The following SPOCK1 variants were observed in gnomAD, a reference collection of about 807,000 sequenced individuals.
The protein encoded by SPOCK1 is SPARC (osteonectin), cwcv and kazal like domains proteoglycan 1.
In SPOCK1, 23 loss-of-function variants were observed where a neutral mutation model predicts 55.3. The ratio of observed to expected loss-of-function variants is 0.42; its 90% CI spans 0.30 to 0.59. The LOEUF is 0.59. Among genes scored for constraint, SPOCK1 ranks in the 20% least tolerant of loss-of-function variants. The probability of loss-of-function intolerance (pLI) is 0.22; values close to 1 mark genes in which losing one functional copy is unlikely to be tolerated. For missense variants in SPOCK1, 499 were observed against 552.5 expected (o/e 0.90, Z 0.97); for synonymous variants, 226 against 221.0 (o/e 1.02, Z -0.20).
chr5:136,986,211 T>C (rs1750838234), intron 8 of SPOCK1, among the ~76,000 whole-genome samples: 1 of 152,174 alleles, frequency 6.6e-6, no homozygotes, highest in African/African-American at 2.4e-5. Context: ...ATTTCCTGGA[T>C]GCTGTGCCAC....
intron 6 of SPOCK1, among the ~76,000 whole-genome samples, chr5:137,055,272 C>G (rs1752278806): frequency 6.6e-6 from 1 of 152,162 alleles, no homozygotes; most frequent in Non-Finnish European, 1.5e-5. Flanking sequence ...AGAACAGGCA[C>G]TTAATAAATG....
chr5:137,324,085 T>C (rs1177591606), intron 2 of SPOCK1, among the ~76,000 whole-genome samples: 1 of 150,976 alleles, frequency 6.6e-6, no homozygotes, highest in African/African-American at 2.5e-5. Flanking sequence ...AGTGTTCATC[T>C]ATGGATGAAT....
intron 2 of SPOCK1, among the ~76,000 whole-genome samples, chr5:137,464,177 C>T (rs1032878715): frequency 6.6e-6 from 1 of 151,926 alleles, no homozygotes; most frequent in Non-Finnish European, 1.5e-5. Context: ...GGTGCAGGCC[C>T]GTAGTCCCAG....
intron 5 of SPOCK1, among the ~76,000 whole-genome samples, chr5:137,071,909 G>A (rs1221316387): frequency 6.6e-6 from 1 of 152,202 alleles, no homozygotes; most frequent in African/African-American, 2.4e-5. Flanking sequence ...AGGACTCTAT[G>A]TAAAGACTAT....
At position 137,307,221 on chromosome 5, in the gene SPOCK1, C is replaced by T. The variant is rs765247698; in HGVS notation, c.187-40166G>A. On this transcript the variant is annotated intron_variant, in intron 2 of 10. Coordinates refer to ENST00000394945, the MANE Select transcript of SPOCK1 (RefSeq NM_004598.4). ...AAAAGCAAGACATGATCCTTATTCT[C>T]ACAGGACAAAGCTGGAGGCAGGCCT... Among the ~76,000 whole-genome samples, 66 of 152,348 alleles carry T rather than the reference C, an allele frequency of 4.3e-4. 1 individual carries two copies. Among genetic ancestry groups the T allele is most frequent in the Admixed American group, 7.2e-4 (11 of 15,300 alleles).
At chr5:137,448,982 G>C (rs1753191748) in intron 2 of SPOCK1, among the ~76,000 whole-genome samples, 1 of 152,202 alleles carries the variant, frequency 6.6e-6, no homozygotes, top group Non-Finnish European at 1.5e-5. Context: ...AGGGAAGTGA[G>C]ACAGCACTCT....
At chr5:137,178,335 A>C (rs1455963692) in intron 3 of SPOCK1, among the ~76,000 whole-genome samples, 1 of 152,226 alleles carries the variant, frequency 6.6e-6, no homozygotes, top group Non-Finnish European at 1.5e-5. Context: ...TTTCCCAACA[A>C]TTCCAGTTCT....
At chr5:137,166,937 T>C (rs1277363890) in intron 3 of SPOCK1, among the ~76,000 whole-genome samples, 1 of 151,668 alleles carries the variant, frequency 6.6e-6, no homozygotes, top group Non-Finnish European at 1.5e-5. Flanking sequence ...AGGAGGCAAA[T>C]AGCAAAACGG....
chr5:136,990,425 T>TA (rs61532412), intron 7 of SPOCK1, among the ~76,000 whole-genome samples: 6,525 of 141,906 alleles, frequency 0.046, 347 homozygotes, highest in African/African-American at 0.14. Flanking sequence ...AGTGCTCAAT[T>TA]AAAAAAAAAA....
intron 6 of SPOCK1, among the ~76,000 whole-genome samples, chr5:137,042,961 A>G (rs1388744669): frequency 6.6e-6 from 1 of 152,174 alleles, no homozygotes; most frequent in Non-Finnish European, 1.5e-5. Flanking sequence ...AGTGAGCACA[A>G]TGAGTGCTAG....
chr5:137,339,643 T>C (rs1398653251), intron 2 of SPOCK1, among the ~76,000 whole-genome samples: 1 of 152,178 alleles, frequency 6.6e-6, no homozygotes, highest in East Asian at 1.9e-4. Context: ...TCAGTTTTTT[T>C]TCAATCAGTA....
At chr5:137,160,012 A>G (rs968390744) in intron 3 of SPOCK1, among the ~76,000 whole-genome samples, 4 of 152,084 alleles carry the variant, frequency 2.6e-5, no homozygotes, top group African/African-American at 9.7e-5. Flanking sequence ...GTGTATGGTA[A>G]CATGAGTAAG....
intron 3 of SPOCK1, among the ~76,000 whole-genome samples, chr5:137,187,983 T>C (rs1329023732): frequency 6.6e-6 from 1 of 152,194 alleles, no homozygotes; most frequent in Non-Finnish European, 1.5e-5. Flanking sequence ...AGGTTATCCT[T>C]CCACCCCTTG....
intron 5 of SPOCK1, among the ~76,000 whole-genome samples, chr5:137,105,706 G>A (rs1301073364): frequency 6.6e-6 from 1 of 152,212 alleles, no homozygotes; most frequent in Non-Finnish European, 1.5e-5. Context: ...TGCCAACCCT[G>A]TAAAGCAAGT....
chr5:137,406,236 G>A (rs988776682), intron 2 of SPOCK1, among the ~76,000 whole-genome samples: 4 of 152,208 alleles, frequency 2.6e-5, no homozygotes, highest in Admixed American at 2.6e-4. Context: ...CATAAAAGTG[G>A]TGTCAGCCCC....
At chr5:137,200,950 A>G (rs1755414581) in intron 3 of SPOCK1, among the ~76,000 whole-genome samples, 1 of 152,254 alleles carries the variant, frequency 6.6e-6, no homozygotes, top group Non-Finnish European at 1.5e-5. Flanking sequence ...CACTGTGAAT[A>G]GACCCTGATG....
intron 3 of SPOCK1, among the ~76,000 whole-genome samples, chr5:137,158,339 C>T (rs1754460075): frequency 6.6e-6 from 1 of 152,194 alleles, no homozygotes; most frequent in Non-Finnish European, 1.5e-5. Context: ...GTTTTCCAGC[C>T]TCTCGCAGGC....
At chr5:137,146,375 A>G (rs565361509) in intron 3 of SPOCK1, among the ~76,000 whole-genome samples, 1 of 152,292 alleles carries the variant, frequency 6.6e-6, no homozygotes, top group Admixed American at 6.5e-5. Flanking sequence ...GAGTTCCAGA[A>G]TCTTCCTCAG....
intron 2 of SPOCK1, among the ~76,000 whole-genome samples, chr5:137,324,006 A>T (rs1483528982): frequency 3.3e-5 from 5 of 152,232 alleles, no homozygotes; most frequent in Non-Finnish European, 2.9e-5. Context: ...TCAAGATCTC[A>T]AAGAGATATT....
Sources: gnomAD v4.1 joint callset for allele counts (sites outside exome capture counted in the v4.1 genomes callset) on GRCh38, gnomAD v4.1.1 for gene constraint, MANE v1.5 for transcripts, NCBI Gene and HGNC (gene_info 2026-07-23, HGNC 2026-07-21) for gene names.